Variants in RASGEF1C observed in about 807,000 individuals in gnomAD.
The protein encoded by RASGEF1C is ras-GEF domain-containing family member 1C.
Under a neutral mutation model 58.1 loss-of-function variants are expected in RASGEF1C, and 27 were observed. The ratio of observed to expected loss-of-function variants is 0.46; its 90% CI spans 0.34 to 0.64. The LOEUF is 0.64. RASGEF1C is among the 30% of genes least tolerant of loss of function. The probability of loss-of-function intolerance (pLI) is 0.01; values close to 1 mark genes in which losing one functional copy is unlikely to be tolerated. For synonymous variants in RASGEF1C, 243 were observed against 246.3 expected (o/e 0.99, Z 0.13); for missense variants, 502 against 605.1 (o/e 0.83, Z 1.79).
At chr5:180,163,253 C>CTTTTTTTTTTT (rs1561747791) in intron 1 of RASGEF1C, among the ~76,000 whole-genome samples, 2 of 5,060 alleles carry the variant, frequency 4.0e-4, no homozygotes, top group Admixed American at 1.7e-3. Flanking sequence ...TTTTTTTTTT[C>CTTTTTTTTTTT]CAGCCTATTG....
intron 1 of RASGEF1C, among the ~76,000 whole-genome samples, chr5:180,159,302 G>A (rs1766901195): frequency 6.6e-6 from 1 of 151,956 alleles, no homozygotes; most frequent in African/African-American, 2.4e-5. Flanking sequence ...ACCACGCCCG[G>A]CTAATTTTTT....
At chr5:180,199,619 G>A (rs1417843252) in intron 1 of RASGEF1C, among the ~76,000 whole-genome samples, 1 of 152,152 alleles carries the variant, frequency 6.6e-6, no homozygotes, top group Non-Finnish European at 1.5e-5. Flanking sequence ...AGTGGTGTCA[G>A]CTTATTCAAA....
chr5:180,101,009 A>G lies in RASGEF1C; in HGVS notation c.*492T>C, dbSNP rs1765773330. ...CGTCGGCAGGGCAGGGTGAGGGACC[A>G]TGGGTGGAATGGCAGTGGCTGCCAG... On this transcript the variant is annotated 3_prime_UTR_variant, in exon 14 of 14. Coordinates refer to ENST00000361132, the MANE Select transcript of RASGEF1C (RefSeq NM_175062.4). The G allele has an allele frequency of 6.4e-6, 1 of 157,154 alleles. No homozygotes were observed. Among genetic ancestry groups the G allele is most frequent in the Non-Finnish European group, 1.4e-5 (1 of 70,906 alleles). 9.7% of individuals were successfully genotyped at this position (157,154 alleles called of 1,614,324 possible).
chr5:180,132,946 T>G (rs1766395174), intron 4 of RASGEF1C, among the ~76,000 whole-genome samples: 2 of 132,668 alleles, frequency 1.5e-5, no homozygotes, highest in African/African-American at 2.9e-5. Context: ...CCAGCCTGGG[T>G]GACAGAGAGA....
chr5:180,174,605 C>T (rs1324445568), intron 1 of RASGEF1C, among the ~76,000 whole-genome samples: 2 of 106,142 alleles, frequency 1.9e-5, no homozygotes, highest in African/African-American at 3.6e-5. Flanking sequence ...TGTGTGTGCA[C>T]GCATGTGTGT....
chr5:180,133,035 C>A (rs555154592), intron 4 of RASGEF1C, among the ~76,000 whole-genome samples: 1 of 151,972 alleles, frequency 6.6e-6, no homozygotes, highest in Admixed American at 6.5e-5. Flanking sequence ...TCGGCCTCCT[C>A]TGTGGCCGGC....
chr5:180,119,068 G>A (rs1240367605), intron 8 of RASGEF1C, among the ~76,000 whole-genome samples: 1 of 152,206 alleles, frequency 6.6e-6, no homozygotes, highest in Non-Finnish European at 1.5e-5. Context: ...TCTGTACCAA[G>A]CACCTGCACT....
intron 1 of RASGEF1C, among the ~76,000 whole-genome samples, chr5:180,152,911 CAAAAAAAAAAA>C (rs755521241): frequency 1.3e-4 from 9 of 71,704 alleles, no homozygotes; most frequent in African/African-American, 4.2e-4. Flanking sequence ...AACCCCATCT[CAAAAAAAAAAA>C]AAAAAAAAAA....
intron 12 of RASGEF1C, 70 bp downstream of exon 12, chr5:180,111,387 G>A (rs1301995519): frequency 3.1e-6 from 5 of 1,606,400 alleles, no homozygotes; most frequent in African/African-American, 2.7e-5. Flanking sequence ...CAGGGGTCCT[G>A]AATGGTGACT....
chr5:180,191,847 G>A (rs573779568), intron 1 of RASGEF1C, among the ~76,000 whole-genome samples: 30 of 152,302 alleles, frequency 2.0e-4, no homozygotes, highest in African/African-American at 7.2e-4. Context: ...TTGGACCTCT[G>A]CTCAGGGGCT....
chr5:180,120,024 C>T (rs1165831874), intron 7 of RASGEF1C, among the ~76,000 whole-genome samples: 1 of 152,196 alleles, frequency 6.6e-6, no homozygotes, highest in Non-Finnish European at 1.5e-5. Flanking sequence ...GGCCAGGCTT[C>T]GCCCAGGCTC....
At chr5:180,141,932 TCTC>T (rs777146769) in intron 1 of RASGEF1C, among the ~76,000 whole-genome samples, 67 of 152,084 alleles carry the variant, frequency 4.4e-4, no homozygotes, top group Non-Finnish European at 8.1e-4. Flanking sequence ...ATGGTCTCGA[TCTC>T]CTGACCTCAT....
At chr5:180,191,870 T>C (rs1756168800) in intron 1 of RASGEF1C, among the ~76,000 whole-genome samples, 2 of 152,194 alleles carry the variant, frequency 1.3e-5, no homozygotes, top group Admixed American at 1.3e-4. Flanking sequence ...CAGGCTGAGA[T>C]CACGGTGTTG....
chr5:180,113,006 C>A (rs371062555), intron 11 of RASGEF1C, among the ~76,000 whole-genome samples: 57 of 19,024 alleles, frequency 3.0e-3, no homozygotes, highest in Middle Eastern at 0.033. Flanking sequence ...GGGATCCGGG[C>A]TGGACGGAGG....
intron 1 of RASGEF1C, among the ~76,000 whole-genome samples, chr5:180,205,715 ATATTAT>A (rs10577396): frequency 0.03 from 4,472 of 147,018 alleles, 86 homozygotes; most frequent in Non-Finnish European, 0.037. Context: ...CATTATTATA[ATATTAT>A]TATTATTATT....
At chr5:180,207,710 C>T (rs1177010359) in intron 1 of RASGEF1C, among the ~76,000 whole-genome samples, 1 of 152,210 alleles carries the variant, frequency 6.6e-6, no homozygotes, top group Non-Finnish European at 1.5e-5. Context: ...TGCAAACCGC[C>T]TGGGGGCTGC....
chr5:180,194,284 T>C (rs1581130024), intron 1 of RASGEF1C, among the ~76,000 whole-genome samples: 1 of 152,262 alleles, frequency 6.6e-6, no homozygotes, highest in East Asian at 1.9e-4. Flanking sequence ...GCTCTGCTCC[T>C]GAAATTGGTT....
intron 1 of RASGEF1C, among the ~76,000 whole-genome samples, chr5:180,200,795 G>A (rs7708154): frequency 0.46 from 69,130 of 151,754 alleles, 15,982 homozygotes; most frequent in East Asian, 0.62. Context: ...GACAGGGCGC[G>A]CGCTCCTCTA....
At chr5:180,104,008 A>T (rs1301224539) in intron 12 of RASGEF1C, among the ~76,000 whole-genome samples, 2 of 152,186 alleles carry the variant, frequency 1.3e-5, no homozygotes, top group African/African-American at 4.8e-5. Context: ...ACAGCTTTGC[A>T]TCCTTGGAAT....
Sources: gnomAD v4.1 joint callset for allele counts (sites outside exome capture counted in the v4.1 genomes callset) on GRCh38, gnomAD v4.1.1 for gene constraint, MANE v1.5 for transcripts, NCBI Gene and HGNC (gene_info 2026-07-23, HGNC 2026-07-21) for gene names.